RAB7A: variants seen among roughly 807,000 people sequenced by gnomAD.
The protein encoded by RAB7A is RAB7A, member RAS oncogene family.
A neutral mutation model predicts 24.5 loss-of-function variants in RAB7A; 2 were observed. The ratio of observed to expected loss-of-function variants is 0.08; its 90% CI spans 0.03 to 0.26. The LOEUF (loss-of-function observed/expected upper bound fraction) is 0.26. Among genes scored for constraint, RAB7A ranks in the 10% least tolerant of loss-of-function variants. RAB7A has a pLI of 1.00. For missense variants in RAB7A, 118 were observed against 255.7 expected (o/e 0.46, Z 3.67); for synonymous variants, 100 against 95.9 (o/e 1.04, Z -0.25).
At chr3:128,764,950 C>T (rs1240126993) in intron 1 of RAB7A, 1 of 1,596,100 alleles carries the variant, frequency 6.3e-7, no homozygotes, top group East Asian at 2.2e-5. Flanking sequence ...GTTGATCTGG[C>T]CGTTGATGGC....
intron 1 of RAB7A, among the ~76,000 whole-genome samples, chr3:128,761,849 G>A (rs1013942971): frequency 1.4e-4 from 21 of 152,168 alleles, no homozygotes; most frequent in African/African-American, 4.1e-4. Flanking sequence ...AAAAGCAACC[G>A]AGCATTTAAT....
intron 1 of RAB7A, among the ~76,000 whole-genome samples, chr3:128,730,785 T>A (rs1224163268): frequency 6.6e-6 from 1 of 152,210 alleles, no homozygotes; most frequent in Admixed American, 6.5e-5. Context: ...TTCATTTGCT[T>A]GAAGATGCAG....
intron 3 of RAB7A, among the ~76,000 whole-genome samples, chr3:128,802,865 C>T (rs1933729140): frequency 6.6e-6 from 1 of 152,006 alleles, no homozygotes; most frequent in Admixed American, 6.6e-5. Flanking sequence ...AGTGCAGTGG[C>T]CTGATCTCAG....
chr3:128,749,205 C>G (rs1336603943), intron 1 of RAB7A: 1 of 152,262 alleles, frequency 6.6e-6, no homozygotes, highest in Non-Finnish European at 1.5e-5. Flanking sequence ...TGGCCATACT[C>G]TAGGATGTAG....
intron 1 of RAB7A, among the ~76,000 whole-genome samples, chr3:128,735,909 T>C (rs1010957482): frequency 6.6e-6 from 1 of 152,220 alleles, no homozygotes; most frequent in Non-Finnish European, 1.5e-5. Context: ...AACTTTTGGC[T>C]TAGTACCTGG....
At chr3:128,752,499 T>A (rs1422340221) in intron 1 of RAB7A, among the ~76,000 whole-genome samples, 2 of 151,404 alleles carry the variant, frequency 1.3e-5, no homozygotes, top group African/African-American at 4.9e-5. Flanking sequence ...AGAAATAAAA[T>A]AGAAAAAAAC....
intron 5 of RAB7A, among the ~76,000 whole-genome samples, chr3:128,811,014 A>G (rs1933912963): frequency 6.6e-6 from 1 of 151,862 alleles, no homozygotes; most frequent in Admixed American, 6.6e-5. Context: ...AGATTGCACC[A>G]TTGCACTCCA....
At chr3:128,760,300 C>T (rs113226798) in intron 1 of RAB7A, among the ~76,000 whole-genome samples, 88 of 152,252 alleles carry the variant, frequency 5.8e-4, no homozygotes, top group African/African-American at 2.0e-3. Context: ...TCAGCTCTCC[C>T]GATTCTCAGA....
intron 1 of RAB7A, among the ~76,000 whole-genome samples, chr3:128,787,176 T>TGCA (rs1933358047): frequency 6.6e-6 from 1 of 152,208 alleles, no homozygotes; most frequent in African/African-American, 2.4e-5. Flanking sequence ...AAGCCAACTG[T>TGCA]GATTAGGACC....
intron 1 of RAB7A, among the ~76,000 whole-genome samples, chr3:128,752,877 A>G (rs902570877): frequency 2.0e-5 from 3 of 152,060 alleles, no homozygotes; most frequent in Non-Finnish European, 2.9e-5. Context: ...TTGGCTTTTA[A>G]ACATGTCATA....
At chr3:128,740,823 C>T (rs1009614395) in intron 1 of RAB7A, among the ~76,000 whole-genome samples, 1 of 145,996 alleles carries the variant, frequency 6.8e-6, no homozygotes, top group Non-Finnish European at 1.5e-5. Context: ...ATCACTTGAG[C>T]CCAGGAGGTT....
intron 3 of RAB7A, among the ~76,000 whole-genome samples, chr3:128,802,295 C>G (rs1933713628): frequency 1.3e-5 from 2 of 152,030 alleles, no homozygotes; most frequent in African/African-American, 4.8e-5. Context: ...CAGAAAGAAT[C>G]TGAAATTGAT....
intron 1 of RAB7A, among the ~76,000 whole-genome samples, chr3:128,743,566 A>G (rs2070577907): frequency 6.6e-6 from 1 of 152,220 alleles, no homozygotes; most frequent in Non-Finnish European, 1.5e-5. Flanking sequence ...TGCTAGCCAA[A>G]GACATTAGAG....
intron 1 of RAB7A, among the ~76,000 whole-genome samples, chr3:128,793,443 C>T (rs1030651698): frequency 3.3e-5 from 5 of 151,598 alleles, no homozygotes; most frequent in African/African-American, 1.2e-4. Flanking sequence ...CATGAGCCAC[C>T]GTGCCCAGCC....
chr3:128,794,577 A>G (rs1043516589), intron 1 of RAB7A, among the ~76,000 whole-genome samples: 4 of 151,872 alleles, frequency 2.6e-5, no homozygotes, highest in Non-Finnish European at 5.9e-5. Context: ...TCTGGAAGTC[A>G]CTGAGTCATA....
At chr3:128,788,010 T>G (rs969265915) in intron 1 of RAB7A, among the ~76,000 whole-genome samples, 1 of 152,250 alleles carries the variant, frequency 6.6e-6, no homozygotes, top group African/African-American at 2.4e-5. Flanking sequence ...CACTGCACCC[T>G]GCCATAAGTT....
At chr3:128,732,317 C>T (rs549265174) in intron 1 of RAB7A, among the ~76,000 whole-genome samples, 8 of 151,816 alleles carry the variant, frequency 5.3e-5, no homozygotes, top group South Asian at 2.1e-4. Context: ...GGATTACAGG[C>T]GTGAACCACC....
intron 3 of RAB7A, among the ~76,000 whole-genome samples, chr3:128,801,685 A>C (rs536448001): frequency 6.6e-6 from 1 of 152,278 alleles, no homozygotes; most frequent in South Asian, 2.1e-4. Flanking sequence ...TGAAAGAAAT[A>C]AGTGAAAGTG....
chr3:128,810,608 A>G (rs112028318), intron 5 of RAB7A, among the ~76,000 whole-genome samples: 86 of 151,562 alleles, frequency 5.7e-4, no homozygotes, highest in African/African-American at 2.0e-3. Context: ...CACATGAGCA[A>G]GGTGTCTCTG....
Sources: allele counts gnomAD v4.1 joint callset (sites outside exome capture counted in the v4.1 genomes callset), GRCh38; gene constraint gnomAD v4.1.1; transcripts MANE v1.5; gene names NCBI Gene and HGNC (gene_info 2026-07-23, HGNC 2026-07-21).